The following CUL9 variants were observed in gnomAD, a reference collection of about 807,000 sequenced individuals.
CUL9 encodes cullin 9, also known as cullin-9.
A neutral mutation model predicts 272.6 loss-of-function variants in CUL9; 79 were observed. The observed-to-expected ratio is 0.29, with a 90% CI of 0.24 to 0.35. The LOEUF is 0.35. Ranked by LOEUF, CUL9 falls within the 10% of genes least tolerant of loss-of-function variation. The pLI is 1.00. For synonymous variants in CUL9, 1,186 were observed against 1,286.5 expected (o/e 0.92, Z 1.67); for missense variants, 2,532 against 3,255.6 (o/e 0.78, Z 5.41).
intron 31 of CUL9, among the ~76,000 whole-genome samples, chr6:43,219,862 G>T (rs760691796): frequency 6.6e-6 from 1 of 152,158 alleles, no homozygotes; most frequent in Non-Finnish European, 1.5e-5. Flanking sequence ...TTAGGATGGG[G>T]GAGTGACATG....
chr6:43,213,259 C>G lies in CUL9; in HGVS notation c.5323C>G (p.Gln1775Glu), dbSNP rs1424891153. ...GCAGATACTGCATGTGTCCACCGTG[C>G]AGATGTGGCTGCTGCTGAAATTCAA... ...GKQILHVSTV[Q>E]MWLLLKFNQT... The change falls in exon 27 of 41, where the codon CAG (glutamine) becomes GAG (glutamate). Residue 1775 changes from glutamine to glutamate, a missense_variant. By Grantham distance (29) the Gln-to-Glu change is conservative. Transcript: ENST00000252050. This position sits in a 1 kb window ranked among gnomAD's most constrained non-coding sequence, Gnocchi z 5.7. The G allele has an allele frequency of 1.9e-6, 3 of 1,613,456 alleles. No homozygotes were observed. The South Asian group carries it at 3.3e-5, about 18-fold the overall frequency.
At position 43,220,402 on chromosome 6, in the gene CUL9, T is replaced by G. The variant is rs1384158524; in HGVS notation, c.6283-57T>G. 2.5e-6 allele frequency: 4 copies of G among 1,590,188 alleles called. No homozygotes were observed. The highest frequency in any genetic ancestry group is 3.4e-6 in the Non-Finnish European group (4 of 1,163,324). ...GACGCTAGCTTAGTTACCAGGACAC[T>G]CCCCCTGTGCTGCTCCCACACTGTC... On this transcript the variant is annotated intron_variant, in intron 31 of 40. Transcript: ENST00000252050. The surrounding 1 kb of genome is among the most constrained non-coding windows in gnomAD (Gnocchi z 4.9).
In CUL9 at chr6:43,221,340, TGGGGAGCCAGA is replaced by T. The variant is rs762842173; in HGVS notation, c.6752+23_6752+33del. ...GCCTGCAGTAAGAAGGGGGGTACTG[TGGGGAGCCAGA>T]GGGCAAGGAGGGGGGAGGAGGCCTG... On this transcript the variant is annotated intron_variant, in intron 34 of 40. Transcript: ENST00000252050. This position sits in a 1 kb window ranked among gnomAD's most constrained non-coding sequence, Gnocchi z 4.2. 1.4e-6 allele frequency: 2 copies of T among 1,413,680 alleles called. No homozygotes were observed. The highest frequency in any genetic ancestry group is 2.8e-5 in the South Asian group (2 of 72,112). 87.6% of individuals were successfully genotyped at this position (1,413,680 alleles called of 1,614,324 possible). A position where few individuals can be genotyped will look rare whatever the true frequency, so the allele number is the denominator to read the frequency against.
In CUL9 at chr6:43,218,372, G is replaced by A. The variant is rs894287957; in HGVS notation, c.6282+1869G>A. Among the ~76,000 whole-genome samples the A allele has an allele frequency of 3.2e-4, 49 of 151,824 alleles. No homozygotes were observed. The highest frequency in any genetic ancestry group is 6.5e-4 in the Non-Finnish European group (44 of 67,960). ...GCTGGGACTATAGGCGCCCGCCACC[G>A]CGCCCGGCTAATTTTTTGCATTTTT... is the stretch of plus-strand genomic sequence containing the variant. On this transcript the variant is annotated intron_variant, in intron 31 of 40. Coordinates refer to ENST00000252050, the MANE Select transcript of CUL9 (RefSeq NM_015089.4). This position sits in a 1 kb window ranked among gnomAD's most constrained non-coding sequence, Gnocchi z 4.4.
intron 2 of CUL9, 151 bp from the exon 3 acceptor site, chr6:43,185,305 T>G: frequency 3.9e-6 from 3 of 769,666 alleles, no homozygotes; most frequent in Non-Finnish European, 6.1e-6. Flanking sequence ...TGTATGTATG[T>G]TTGTAACAGG....
chr6:43,193,268 C>T, intron 9 of CUL9, 60 bp downstream of exon 9: 1 of 1,515,234 alleles, frequency 6.6e-7, no homozygotes, highest in Non-Finnish European at 9.1e-7. Context: ...CTGGGGACTA[C>T]TGATCTTGAG....
chr6:43,222,693 G>T (rs777663589), intron 37 of CUL9, 52 bp downstream of exon 37: 1 of 1,604,960 alleles, frequency 6.2e-7, no homozygotes, highest in East Asian at 2.2e-5. Context: ...AAATGGGTCT[G>T]GGGGGCTTGG....
At chr6:43,207,567 G>A (rs190890381) in intron 26 of CUL9, among the ~76,000 whole-genome samples, 22 of 152,052 alleles carry the variant, frequency 1.4e-4, no homozygotes, top group African/African-American at 3.4e-4. Context: ...TTTTTATTAC[G>A]TATTATTTTT....
At chr6:43,191,298 TG>T (rs1299697518) in intron 8 of CUL9, among the ~76,000 whole-genome samples, 2 of 119,166 alleles carry the variant, frequency 1.7e-5, no homozygotes, top group African/African-American at 4.3e-5. Flanking sequence ...GTGTGCGTGT[TG>T]TTTTTTTTTT....
intron 4 of CUL9, 168 bp from the exon 5 acceptor site, chr6:43,186,792 G>A: frequency 1.3e-6 from 1 of 796,526 alleles, no homozygotes; most frequent in East Asian, 2.6e-5. Flanking sequence ...TCCTGATAAG[G>A]GAAGGAAGCC....
In CUL9 at chr6:43,186,258, A is replaced by C. The variant is rs765095560; in HGVS notation, c.1054A>C (p.Ile352Leu). The C allele has an allele frequency of 1.2e-6, 2 of 1,614,078 alleles. No homozygotes were observed. Among genetic ancestry groups the C allele is most frequent in the Middle Eastern group, 1.6e-4 (1 of 6,062 alleles). ...AGGCCCCAGCCTTTTACTCCCCACC[A>C]TTGTCACCACCCCCAGAAGACAAGG... ...ISGPSLLLPTIVTTPRRQGWV... is the reference protein window; with the variant it reads ...ISGPSLLLPTLVTTPRRQGWV... The change falls in exon 4 of 41, where the codon ATT becomes CTT. Residue 352 changes from isoleucine to leucine, a missense_variant. By Grantham distance (5) the Ile-to-Leu change is conservative. Coordinates refer to ENST00000252050, the MANE Select transcript of CUL9 (RefSeq NM_015089.4).
chr6:43,214,966 G>A (rs954665204), intron 29 of CUL9, 113 bp from the exon 30 acceptor site: 1 of 1,290,984 alleles, frequency 7.7e-7, no homozygotes, highest in African/African-American at 1.5e-5. Flanking sequence ...GACAGAGCAA[G>A]ACTGTCTCTT....
At position 43,186,128 on chromosome 6, in the gene CUL9, C is replaced by G. The variant is rs1289974106; in HGVS notation, c.924C>G (p.Asn308Lys). The G allele has an allele frequency of 6.2e-7, 1 of 1,614,260 alleles. No individual in the cohort carries two copies. Among genetic ancestry groups the G allele is most frequent in the Admixed American group, 1.7e-5 (1 of 60,026 alleles). The change falls in exon 4 of 41, where the codon AAC becomes AAG. Residue 308 changes from asparagine to lysine, a missense_variant. Transcript: ENST00000252050. ...TGGAGTTCAGCATGGCTGTGGGCAA[C>G]CTCATCTCTGAGCTTGTGCGGAGCA... ...RELEFSMAVG[N>K]LISELVRSMG...
At chr6:43,198,979 C>T in intron 12 of CUL9, 124 bp downstream of exon 12, 2 of 1,293,010 alleles carry the variant, frequency 1.5e-6, no homozygotes, top group Non-Finnish European at 2.1e-6. Context: ...TCTTGTTGCC[C>T]AGGCTGGAGT....
Position 43,184,291 on chromosome 6 carries a change from G to A in CUL9, c.-9-11G>A. 1.4e-6 allele frequency: 2 copies of A among 1,441,968 alleles called. No homozygotes were observed. The highest frequency in any genetic ancestry group is 9.2e-7 in the Non-Finnish European group (1 of 1,090,648). 89.3% of individuals were successfully genotyped at this position (1,441,968 alleles called of 1,614,324 possible). On this transcript the variant is annotated splice_polypyrimidine_tract_variant and intron_variant, in intron 1 of 40. Transcript: ENST00000252050. The surrounding 1 kb of genome is among the most constrained non-coding windows in gnomAD (Gnocchi z 4.8). ...CTCATACTGCCTTATCTTTCTCCTT[G>A]TGTATCCCAGGAGGTCAGGATGGTG...
In CUL9 at chr6:43,196,101, G is replaced by A. The variant is rs372316006; in HGVS notation, c.2421G>A (p.Ser807=). 19 of 1,613,584 alleles carry A rather than the reference G, an allele frequency of 1.2e-5. No individual in the cohort carries two copies. The highest frequency in any genetic ancestry group is 1.4e-5 in the Non-Finnish European group (16 of 1,179,786). The change falls in exon 10 of 41, where the codon TCG becomes TCA. Residue 807 remains serine, a synonymous_variant. Coordinates refer to ENST00000252050, the MANE Select transcript of CUL9 (RefSeq NM_015089.4). ...AGATGCTGGCCGTCGCCAGCTCCTC[G>A]GAGATCCCCACTTTTGTTACTGGCC... is the stretch of plus-strand genomic sequence containing the variant. ...ALKMLAVASS[S]EIPTFVTGRD... is the part of the protein sequence containing the mutation.
intron 4 of CUL9, 105 bp from the exon 5 acceptor site, chr6:43,186,855 C>A: frequency 1.5e-6 from 2 of 1,362,794 alleles, no homozygotes; most frequent in Non-Finnish European, 1.0e-6. Context: ...TCTGAGGGTG[C>A]GCCCCAGATC....
Position 43,204,927 on chromosome 6 carries a change from C to T in CUL9, c.4450-6C>T. 2.5e-6 allele frequency: 4 copies of T among 1,608,610 alleles called. No homozygotes were observed. Among genetic ancestry groups the T allele is most frequent in the Middle Eastern group, 1.7e-4 (1 of 6,038 alleles). On this transcript the variant is annotated splice_region_variant and splice_polypyrimidine_tract_variant and intron_variant, in intron 22 of 40. Coordinates refer to ENST00000252050, the MANE Select transcript of CUL9 (RefSeq NM_015089.4). ...CTTTTATGTCATTTCTTGCCTTTCTCCTCAGGTCAGCAGATTCCTGGCTGC... is the reference window on the plus strand; with the variant it reads ...CTTTTATGTCATTTCTTGCCTTTCTTCTCAGGTCAGCAGATTCCTGGCTGC...
In CUL9 at chr6:43,204,856, A is replaced by G; in HGVS notation, c.4448A>G (p.Gln1483Arg). 1.2e-6 allele frequency: 2 copies of G among 1,614,086 alleles called. No individual in the cohort carries two copies. The highest frequency in any genetic ancestry group is 1.7e-6 in the Non-Finnish European group (2 of 1,179,986). The change falls in exon 22 of 41, where the codon CAG (glutamine) becomes CGG (arginine). Residue 1483 changes from glutamine to arginine, a missense_variant and splice_region_variant. Around this residue, in one of 3 missense-constraint regions of CUL9, gnomAD observed 2,218 missense variants for 2,788.6 expected, o/e 0.80. Transcript: ENST00000252050. ...TQCWLSVVQE[Q>R]VSRFLAAAWR... ...TGCTGGCTGAGCGTGGTGCAGGAGC[A>G]GGTGGGCAGAAGCAAGCAGAAGTCT...
Sources: allele counts gnomAD v4.1 joint callset (sites outside exome capture counted in the v4.1 genomes callset), GRCh38; gene constraint gnomAD v4.1.1; regional missense constraint gnomAD v4.1.1; non-coding constraint Gnocchi (gnomAD v3.1); transcripts MANE v1.5; gene names NCBI Gene and HGNC (gene_info 2026-07-23, HGNC 2026-07-21).